The following RXRG variants were observed in gnomAD, a reference collection of about 807,000 sequenced individuals.
The protein encoded by RXRG is retinoic acid receptor RXR-gamma.
RXRG carries 19 observed loss-of-function variants against 49.2 expected under a neutral mutation model. The observed-to-expected ratio is 0.39, with a 90% CI of 0.27 to 0.57. The LOEUF (loss-of-function observed/expected upper bound fraction) is 0.57. RXRG is among the 20% of genes least tolerant of loss of function. The pLI, the probability that RXRG is intolerant of heterozygous loss-of-function variation, is 0.64. For missense variants in RXRG, 452 were observed against 592.5 expected (o/e 0.76, Z 2.46); for synonymous variants, 224 against 216.6 (o/e 1.03, Z -0.30).
intron 1 of RXRG, among the ~76,000 whole-genome samples, chr1:165,438,074 A>C (rs1658868300): frequency 6.6e-6 from 1 of 152,168 alleles, no homozygotes; most frequent in African/African-American, 2.4e-5. Flanking sequence ...CTACACTGTC[A>C]GTTTGAAGTT....
In RXRG at chr1:165,417,095, G is replaced by T. The variant is rs1658149250; in HGVS notation, c.568C>A (p.Arg190Ser). Reference sequence around the variant, plus strand: ...TTCTGATAGCGACAGTACTGGCAGCGGTTGCGCTGACGCTTGTCAATGAGG... The same window carrying T: ...TTCTGATAGCGACAGTACTGGCAGCTGTTGCGCTGACGCTTGTCAATGAGG... ...DCLIDKRQRN[R>S]CQYCRYQKCL... is the part of the protein sequence containing the mutation. The change falls in exon 4 of 10, where the codon CGC (arginine) becomes AGC (serine). Residue 190 changes from arginine to serine, a missense_variant. Arg to Ser is a moderately radical substitution (Grantham distance 110). Transcript: ENST00000359842. 6.2e-7 allele frequency: 1 copy of T among 1,614,046 alleles called. No individual in the cohort carries two copies. Among genetic ancestry groups the T allele is most frequent in the African/African-American group, 1.3e-5 (1 of 74,944 alleles).
rs766425704 is a variant in RXRG at position 165,417,137 on chromosome 1, G to A, written c.526C>T (p.Arg176Trp). ...TCAATGAGGCAGTCTTTATTATCCCGACACGTGTAGATGAGGTCCTTCCTT... is the reference window on the plus strand; with the variant it reads ...TCAATGAGGCAGTCTTTATTATCCCAACACGTGTAGATGAGGTCCTTCCTT... The part of the protein sequence containing the change: ...TIRKDLIYTC[R>W]DNKDCLIDKR... The change falls in exon 4 of 10, where the codon CGG (arginine) becomes TGG (tryptophan). Residue 176 changes from arginine (R) to tryptophan (W), a missense_variant. Arg to Trp is a moderately radical substitution (Grantham distance 101). Transcript: ENST00000359842. The A allele has an allele frequency of 1.9e-6, 3 of 1,614,032 alleles. No individual in the cohort carries two copies. The highest frequency in any genetic ancestry group is 2.2e-5 in the East Asian group (1 of 44,892).
chr1:165,421,672 G>A (rs1466900228), intron 2 of RXRG, among the ~76,000 whole-genome samples: 2 of 152,068 alleles, frequency 1.3e-5, no homozygotes, highest in African/African-American at 2.4e-5. Flanking sequence ...TGGGATTAGA[G>A]GAGCATGCCA....
intron 8 of RXRG, among the ~76,000 whole-genome samples, chr1:165,407,870 A>G (rs1302754087): frequency 8.6e-5 from 13 of 150,618 alleles, no homozygotes; most frequent in Non-Finnish European, 3.0e-5. Flanking sequence ...AAAAAAACCC[A>G]GAGAGTCATC....
At chr1:165,406,952 C>T (rs1657772110) in intron 8 of RXRG, 35 bp from the exon 9 acceptor site, 1 of 1,451,010 alleles carries the variant, frequency 6.9e-7, no homozygotes, top group Non-Finnish European at 9.7e-7. Flanking sequence ...TTTGATTACA[C>T]ACCCTCCAGC....
chr1:165,433,509 C>T lies in RXRG; in HGVS notation c.50-4543G>A, dbSNP rs904894708. Reference sequence around the variant, plus strand: ...TTCTGCAGAGTTCATTATCTTTGCTCAGGCAATGATTTTATTTGCAAAATA... The same window carrying T: ...TTCTGCAGAGTTCATTATCTTTGCTTAGGCAATGATTTTATTTGCAAAATA... On this transcript the variant is annotated intron_variant, in intron 1 of 9. Coordinates refer to ENST00000359842, the MANE Select transcript of RXRG (RefSeq NM_006917.5). Among the ~76,000 whole-genome samples, 4 of 152,186 alleles carry T rather than the reference C, an allele frequency of 2.6e-5. No homozygotes were observed. In the South Asian group the frequency reaches 8.3e-4, roughly 32 times the overall value.
chr1:165,413,785 G>A (rs114138465), intron 4 of RXRG, among the ~76,000 whole-genome samples: 22,541 of 152,120 alleles, frequency 0.15, 1,708 homozygotes, highest in South Asian at 0.23. Context: ...GGGCTTGTGT[G>A]GGCTAGGCTC....
At chr1:165,432,000 A>G (rs987271237) in intron 1 of RXRG, among the ~76,000 whole-genome samples, 2 of 152,224 alleles carry the variant, frequency 1.3e-5, no homozygotes, top group African/African-American at 4.8e-5. Context: ...CAGAGGATAT[A>G]TAAAATATCA....
intron 1 of RXRG, chr1:165,437,089 G>T: frequency 7.4e-7 from 1 of 1,352,218 alleles, no homozygotes; most frequent in Admixed American, 2.0e-5. Flanking sequence ...TCATTTTACT[G>T]GTCACTAGTG....
intron 1 of RXRG, among the ~76,000 whole-genome samples, chr1:165,434,641 G>C (rs1658774082): frequency 6.6e-6 from 1 of 152,166 alleles, no homozygotes; most frequent in African/African-American, 2.4e-5. Flanking sequence ...ATTTTTCAGA[G>C]TCAGGAGTCT....
intron 9 of RXRG, among the ~76,000 whole-genome samples, chr1:165,405,218 G>A (rs1056037753): frequency 1.3e-5 from 2 of 152,168 alleles, no homozygotes; most frequent in African/African-American, 4.8e-5. Context: ...GTAATGTCCT[G>A]CACATAATAT....
chr1:165,426,519 A>G (rs1370031454), intron 2 of RXRG, among the ~76,000 whole-genome samples: 1 of 152,130 alleles, frequency 6.6e-6, no homozygotes, highest in African/African-American at 2.4e-5. Context: ...TGAAGTCCTT[A>G]CTGGCTCTAT....
At chr1:165,426,799 C>T (rs754499139) in intron 2 of RXRG, among the ~76,000 whole-genome samples, 8 of 152,080 alleles carry the variant, frequency 5.3e-5, no homozygotes, top group Non-Finnish European at 1.2e-4. Context: ...ATTTTGGAGG[C>T]TGATAAGTCC....
chr1:165,411,418 T>C (rs1392552275), intron 4 of RXRG, among the ~76,000 whole-genome samples: 1 of 152,222 alleles, frequency 6.6e-6, no homozygotes, highest in Non-Finnish European at 1.5e-5. Context: ...AACCACTCCT[T>C]GCTATCCCTG....
intron 1 of RXRG, among the ~76,000 whole-genome samples, chr1:165,429,534 T>C (rs903841169): frequency 4.6e-5 from 7 of 152,156 alleles, no homozygotes; most frequent in African/African-American, 1.7e-4. Context: ...ATAATAATGA[T>C]GGGGAAGGCA....
chr1:165,413,443 G>C (rs193228078), intron 4 of RXRG, among the ~76,000 whole-genome samples: 1 of 151,874 alleles, frequency 6.6e-6, no homozygotes, highest in East Asian at 1.9e-4. Flanking sequence ...GACATACTAC[G>C]AGCCACAGAG....
intron 2 of RXRG, among the ~76,000 whole-genome samples, chr1:165,420,973 C>T (rs1351875418): frequency 6.6e-6 from 1 of 152,148 alleles, no homozygotes; most frequent in Non-Finnish European, 1.5e-5. Context: ...TACTGACTTC[C>T]CATGGTTTGT....
intron 2 of RXRG, among the ~76,000 whole-genome samples, chr1:165,426,561 C>G (rs1054629190): frequency 1.3e-5 from 2 of 152,116 alleles, no homozygotes; most frequent in Non-Finnish European, 2.9e-5. Context: ...GTTTTCAGAA[C>G]CCTAGAATAT....
intron 1 of RXRG, among the ~76,000 whole-genome samples, chr1:165,442,893 C>T (rs1047200415): frequency 1.2e-4 from 19 of 152,238 alleles, no homozygotes; most frequent in Non-Finnish European, 2.5e-4. Context: ...GGGAACCAAA[C>T]TCAGCACACT....
Sources: gnomAD v4.1 joint callset for allele counts (sites outside exome capture counted in the v4.1 genomes callset) on GRCh38, gnomAD v4.1.1 for gene constraint, MANE v1.5 for transcripts, NCBI Gene and HGNC (gene_info 2026-07-23, HGNC 2026-07-21) for gene names.